Variants in ANKRD42 observed in about 807,000 individuals in gnomAD.
ANKRD42 encodes ankyrin repeat domain-containing protein 42.
ANKRD42 carries 43 observed loss-of-function variants against 51.5 expected under a neutral mutation model. The observed-to-expected ratio is 0.83, with a 90% CI of 0.65 to 1.08. The LOEUF is 1.08. Among genes scored for constraint, ANKRD42 ranks in the 50% least tolerant of loss-of-function variants. The pLI, the probability that ANKRD42 is intolerant of heterozygous loss-of-function variation, is 0.00. For missense variants in ANKRD42, 608 were observed against 629.3 expected, an observed-to-expected ratio of 0.97 and a Z score of 0.36; for synonymous variants, 203 against 213.0, an observed-to-expected ratio of 0.95 and a Z score of 0.41.
chr11:83,210,901 A>G (rs1252951212), intron 4 of ANKRD42, among the ~76,000 whole-genome samples: 1 of 152,254 alleles, frequency 6.6e-6, no homozygotes, highest in Non-Finnish European at 1.5e-5. Flanking sequence ...TATTGAAGAC[A>G]TTGTGGTAAG....
chr11:83,257,457 A>G, downstream of ANKRD42: 4 of 375,848 alleles, frequency 1.1e-5, no homozygotes, highest in South Asian at 3.9e-5. Context: ...TTTTTTGGTC[A>G]GCAAAGCACA....
intron 11 of ANKRD42, among the ~76,000 whole-genome samples, chr11:83,254,829 C>T (rs1428504094): frequency 6.6e-6 from 1 of 152,130 alleles, no homozygotes; most frequent in African/African-American, 2.4e-5. Context: ...TGTTATTTTT[C>T]TTCAGACTAG....
chr11:83,215,231 G>A (rs998545404), intron 5 of ANKRD42: 7 of 151,374 alleles, frequency 4.6e-5, no homozygotes, highest in Non-Finnish European at 8.8e-5. Context: ...TTTTTCTTGT[G>A]GATATATACC....
chr11:83,261,079 G>C (rs1863905693), downstream of ANKRD42: 1 of 152,098 alleles, frequency 6.6e-6, no homozygotes, highest in South Asian at 2.1e-4. Flanking sequence ...GTTGTAATTT[G>C]CACTAAAGCA....
At chr11:83,256,935 C>T (rs889865161), downstream of ANKRD42, among the ~76,000 whole-genome samples, 2 of 152,076 alleles carry the variant, frequency 1.3e-5, no homozygotes, top group Non-Finnish European at 2.9e-5. Context: ...TAAAATATAC[C>T]TACCTCATAT....
chr11:83,256,075 A>G (rs1040115706), exon 12 of ANKRD42: 1 of 566,372 alleles, frequency 1.8e-6, no homozygotes, highest in Non-Finnish European at 2.9e-6. Flanking sequence ...GTTATATTAA[A>G]GAGATTTAGA....
At chr11:83,215,636 C>T (rs1401010008) in intron 5 of ANKRD42, among the ~76,000 whole-genome samples, 1 of 152,056 alleles carries the variant, frequency 6.6e-6, no homozygotes, top group African/African-American at 2.4e-5. Flanking sequence ...TACCATGAGT[C>T]TTACATTTTA....
In ANKRD42 at chr11:83,194,118, G is replaced by A. The variant is rs774632059; in HGVS notation, c.-553G>A. 2.2e-6 allele frequency: 1 copy of A among 456,604 alleles called. No homozygotes were observed. The highest frequency in any genetic ancestry group is 1.5e-5 in the South Asian group (1 of 64,564). The allele number at this position is 456,604 out of a possible 1,614,324, so 28.3% of individuals were successfully genotyped here. ...GTGGCCACAGTCACAGCTGCTCTTG[G>A]GAGAGAGTTAGGGGAGACAGCACCT... On this transcript the variant is annotated 5_prime_UTR_variant, in exon 1 of 11. Transcript: ENST00000533342.
At chr11:83,251,975 G>A (rs752978318), downstream of ANKRD42, among the ~76,000 whole-genome samples, 1 of 152,162 alleles carries the variant, frequency 6.6e-6, no homozygotes, top group Non-Finnish European at 1.5e-5. Context: ...AAGCCAAAGT[G>A]TAGAAAAACA....
chr11:83,198,510 A>G lies in ANKRD42; in HGVS notation c.90A>G (p.Ile30Met), dbSNP rs758757336. ...CSRKKVHFGS[I>M]HDAVRAGDVK... ...GGAAGAAGGTGCATTTTGGCAGCAT[A>G]CATGATGCAGTACGAGCTGGAGATG... Residue 30 changes from isoleucine to methionine, a missense_variant, in exon 2 of 11, where the codon ATA becomes ATG. Transcript: ENST00000533342. 31 of 1,613,660 alleles carry G rather than the reference A, an allele frequency of 1.9e-5. No homozygotes were observed. The East Asian group carries it at 6.0e-4, about 31-fold the overall frequency.
intron 3 of ANKRD42, chr11:83,209,794 C>T (rs1565180037): frequency 3.5e-6 from 2 of 567,760 alleles, no homozygotes; most frequent in East Asian, 3.1e-5. Context: ...TGCTTTGCTT[C>T]TTGGGTAGAG....
At chr11:83,262,021 G>T, downstream of ANKRD42, 1 of 1,227,022 alleles carries the variant, frequency 8.1e-7, no homozygotes, top group Non-Finnish European at 1.2e-6. Flanking sequence ...ATTTTGCAGA[G>T]ATAAAGAGAA....
In ANKRD42 at chr11:83,228,231, C is replaced by CTTTTTTTTT. The variant is rs11403803; in HGVS notation, c.913+389_913+397dup. ...AAATAGAAATCATCCCTCTCTCTCT[C>CTTTTTTTTT]TTTTTTTTTTTTTTTTTTTTTTTTT... On this transcript the variant is annotated intron_variant, in intron 7 of 10. Transcript: ENST00000533342. Among the ~76,000 whole-genome samples, 8 of 59,016 alleles carry CTTTTTTTTT rather than the reference C, an allele frequency of 1.4e-4. 1 individual carries two copies. Among genetic ancestry groups the CTTTTTTTTT allele is most frequent in the Admixed American group, 2.3e-4 (1 of 4,278 alleles). The allele number at this position is 59,016 out of a possible 152,430, so 38.7% of individuals were successfully genotyped here. A position where few individuals can be genotyped will look rare whatever the true frequency, so the allele number is the denominator to read the frequency against.
At position 83,240,948 on chromosome 11, in the gene ANKRD42, C is replaced by G; in HGVS notation, c.1195+14C>G. The G allele has an allele frequency of 6.2e-7, 1 of 1,603,204 alleles. No individual in the cohort carries two copies. Among genetic ancestry groups the G allele is most frequent in the Non-Finnish European group, 8.5e-7 (1 of 1,174,818 alleles). ...CAGATGCCAGAAGTAAGTATGCTGC[C>G]TCTGTTGTGATTTATCCTTTCAGAA... On this transcript the variant is annotated intron_variant, in intron 9 of 10. Coordinates refer to ENST00000533342, the MANE Select transcript of ANKRD42 (RefSeq NM_001300975.2).
At chr11:83,210,626 A>G (rs1158698778) in intron 4 of ANKRD42, among the ~76,000 whole-genome samples, 1 of 152,222 alleles carries the variant, frequency 6.6e-6, no homozygotes, top group Non-Finnish European at 1.5e-5. Flanking sequence ...CCAATTCAGT[A>G]TTACAAAGTA....
rs143462461 is a variant in ANKRD42 at position 83,248,167 on chromosome 11, G to A, written c.1547G>A (p.Gly516Asp). Residue 516 changes from glycine (G) to aspartate (D), a missense_variant, in exon 11 of 11, where the codon GGC (glycine) becomes GAC (aspartate). By Grantham distance (94) the Gly-to-Asp change is moderately conservative. Coordinates refer to ENST00000533342, the MANE Select transcript of ANKRD42 (RefSeq NM_001300975.2). ...EWPRVQALGW[G>D]SLDLNPGYSL... ...CCAAGAGTACAAGCTTTGGGCTGGG[G>A]CTCTTTGGACTTGAATCCTGGCTAT... 5.5e-4 allele frequency: 848 copies of A among 1,530,790 alleles called. 7 individuals carry two copies. The East Asian group carries it at 0.018, about 32-fold the overall frequency. 94.8% of individuals were successfully genotyped at this position (1,530,790 alleles called of 1,614,324 possible).
intron 5 of ANKRD42, among the ~76,000 whole-genome samples, chr11:83,221,886 A>G (rs578197809): frequency 6.6e-6 from 1 of 152,022 alleles, no homozygotes; most frequent in Non-Finnish European, 1.5e-5. Context: ...GTCCTTAGGG[A>G]TATATTTGTC....
At chr11:83,201,979 A>G (rs1000573584) in intron 2 of ANKRD42, among the ~76,000 whole-genome samples, 1 of 152,168 alleles carries the variant, frequency 6.6e-6, no homozygotes, top group Non-Finnish European at 1.5e-5. Context: ...TTTGTTGTGC[A>G]GAAGCTCTTT....
chr11:83,210,217 G>C lies in ANKRD42; in HGVS notation c.331-83G>C, dbSNP rs1459828951. On this transcript the variant is annotated intron_variant, in intron 3 of 10. Transcript: ENST00000533342. ...GAATTTAGCTATAGATTAATAAATT[G>C]CTTGCCTTTGTATAATCTGCATCTG... The C allele has an allele frequency of 3.0e-6, 4 of 1,349,168 alleles. No homozygotes were observed. In the East Asian group the frequency reaches 7.1e-5, roughly 24 times the overall value. 83.6% of individuals were successfully genotyped at this position (1,349,168 alleles called of 1,614,324 possible). A position where few individuals can be genotyped will look rare whatever the true frequency, so the allele number is the denominator to read the frequency against.
Sources: allele counts gnomAD v4.1 joint callset (sites outside exome capture counted in the v4.1 genomes callset), GRCh38; gene constraint gnomAD v4.1.1; transcripts MANE v1.5; gene names NCBI Gene and HGNC (gene_info 2026-07-23, HGNC 2026-07-21).